Variants in SUMF1 observed in about 807,000 individuals in gnomAD.
SUMF1 encodes the protein sulfatase modifying factor 1.
Under a neutral mutation model 47.6 loss-of-function variants are expected in SUMF1, and 48 were observed. The observed-to-expected ratio is 1.01, with a 90% confidence interval of 0.80 to 1.28. The LOEUF is 1.28. Among genes scored for constraint, SUMF1 ranks in the 50% most tolerant of loss-of-function variants. The pLI is 0.00. For missense variants in SUMF1, 571 were observed against 485.4 expected, an observed-to-expected ratio of 1.18 and a Z score of -1.66; for synonymous variants, 230 against 192.1, an observed-to-expected ratio of 1.20 and a Z score of -1.63.
intron 8 of SUMF1, among the ~76,000 whole-genome samples, chr3:4,217,955 T>A (rs374649455): frequency 6.6e-6 from 1 of 152,058 alleles, no homozygotes; most frequent in South Asian, 2.1e-4. Context: ...AATCTCACCT[T>A]GAAATCCTGT....
At chr3:4,392,578 T>C (rs1323148103) in intron 7 of SUMF1, among the ~76,000 whole-genome samples, 1 of 148,134 alleles carries the variant, frequency 6.8e-6, no homozygotes, top group African/African-American at 2.5e-5. Context: ...TAAATGTTTA[T>C]ATGTTCAGAT....
At chr3:4,365,206 G>T (rs1161208198) in intron 8 of SUMF1, among the ~76,000 whole-genome samples, 1 of 122,752 alleles carries the variant, frequency 8.1e-6, no homozygotes, top group Admixed American at 7.9e-5. Flanking sequence ...ATTTGGGGTG[G>T]AGAGTTCTGT....
intron 1 of SUMF1, among the ~76,000 whole-genome samples, chr3:4,455,171 T>C (rs1703113354): frequency 6.6e-6 from 1 of 152,234 alleles, no homozygotes; most frequent in South Asian, 2.1e-4. Flanking sequence ...TTTCAAATCA[T>C]TTGAGTGAGC....
chr3:4,321,125 G>C (rs1239352497), intron 8 of SUMF1, among the ~76,000 whole-genome samples: 2 of 152,136 alleles, frequency 1.3e-5, no homozygotes, highest in African/African-American at 4.8e-5. Flanking sequence ...AGCAAAGGAA[G>C]GATGATCCAT....
chr3:4,254,241 C>G (rs932828100), intron 8 of SUMF1, among the ~76,000 whole-genome samples: 29 of 152,082 alleles, frequency 1.9e-4, no homozygotes, highest in African/African-American at 5.3e-4. Flanking sequence ...TCCTCAACAG[C>G]AACGGAACAA....
At chr3:4,199,191 T>G (rs758839733) in intron 8 of SUMF1, among the ~76,000 whole-genome samples, 11 of 152,136 alleles carry the variant, frequency 7.2e-5, no homozygotes, top group Non-Finnish European at 1.5e-4. Flanking sequence ...AACCTGATCT[T>G]CTGTCTCTAT....
intron 8 of SUMF1, among the ~76,000 whole-genome samples, chr3:4,191,394 C>A (rs1424455344): frequency 6.6e-6 from 1 of 152,000 alleles, no homozygotes; most frequent in African/African-American, 2.4e-5. Context: ...AAGCCTGGTA[C>A]CAAATGAAGA....
At chr3:4,321,470 T>TAAAAAAAAAAAAAAAAA (rs1206478992) in intron 8 of SUMF1, among the ~76,000 whole-genome samples, 2 of 63,742 alleles carry the variant, frequency 3.1e-5, no homozygotes, top group Non-Finnish European at 3.1e-5. Context: ...AAGGAAATGC[T>TAAAAAAAAAAAAAAAAA]AAAAAAAAAA....
chr3:4,458,369 C>T (rs1385560380), intron 1 of SUMF1, among the ~76,000 whole-genome samples: 2 of 152,158 alleles, frequency 1.3e-5, no homozygotes, highest in Non-Finnish European at 2.9e-5. Context: ...CCAGCTATCC[C>T]ACTTCTGGGT....
At chr3:4,077,102 T>C (rs1692455905) in intron 8 of SUMF1, among the ~76,000 whole-genome samples, 1 of 152,108 alleles carries the variant, frequency 6.6e-6, no homozygotes, top group African/African-American at 2.4e-5. Context: ...AAAACCACAC[T>C]GAGATACCAT....
intron 8 of SUMF1, among the ~76,000 whole-genome samples, chr3:4,207,482 T>C (rs1695678519): frequency 6.6e-6 from 1 of 152,140 alleles, no homozygotes; most frequent in Non-Finnish European, 1.5e-5. Context: ...TGAAGAAATG[T>C]TTATTTCTAG....
intron 8 of SUMF1, among the ~76,000 whole-genome samples, chr3:4,089,473 A>T (rs1692739078): frequency 6.6e-6 from 1 of 152,056 alleles, no homozygotes; most frequent in African/African-American, 2.4e-5. Context: ...AAATACAAAC[A>T]TTGTTTTCAG....
intron 8 of SUMF1, among the ~76,000 whole-genome samples, chr3:4,112,270 A>C (rs991255627): frequency 6.6e-6 from 1 of 152,084 alleles, no homozygotes; most frequent in Non-Finnish European, 1.5e-5. Context: ...ATGGAACAAA[A>C]CATTTCTAAG....
intron 8 of SUMF1, among the ~76,000 whole-genome samples, chr3:4,254,945 G>A (rs1315954242): frequency 6.6e-6 from 1 of 152,070 alleles, no homozygotes; most frequent in African/African-American, 2.4e-5. Flanking sequence ...CCAGAAGAGA[G>A]GGGGGGCCAG....
chr3:4,382,879 A>T (rs1480809566), intron 7 of SUMF1, among the ~76,000 whole-genome samples: 1 of 152,084 alleles, frequency 6.6e-6, no homozygotes, highest in African/African-American at 2.4e-5. Flanking sequence ...ATGAGAACAC[A>T]TGGACACAGG....
chr3:4,304,849 C>T (rs1379821974), intron 8 of SUMF1, among the ~76,000 whole-genome samples: 1 of 151,968 alleles, frequency 6.6e-6, no homozygotes, highest in Non-Finnish European at 1.5e-5. Flanking sequence ...ATGCTGAGAA[C>T]ATGTGTCCCA....
intron 9 of SUMF1, among the ~76,000 whole-genome samples, chr3:4,034,486 C>A (rs1048797727): frequency 6.6e-6 from 1 of 152,170 alleles, no homozygotes; most frequent in Non-Finnish European, 1.5e-5. Context: ...CAGGCAACCA[C>A]TGCCTCAAAA....
At chr3:4,194,755 T>C (rs1217562913) in intron 8 of SUMF1, among the ~76,000 whole-genome samples, 1 of 152,182 alleles carries the variant, frequency 6.6e-6, no homozygotes, top group African/African-American at 2.4e-5. Context: ...AAATATACTG[T>C]AATAATTTCA....
At chr3:4,143,453 A>G (rs911506338) in intron 8 of SUMF1, among the ~76,000 whole-genome samples, 6 of 152,146 alleles carry the variant, frequency 3.9e-5, no homozygotes, top group Non-Finnish European at 4.4e-5. Context: ...TAGGATTTCA[A>G]GCAAGAACAG....
Sources: gnomAD v4.1 joint callset for allele counts (sites outside exome capture counted in the v4.1 genomes callset) on GRCh38, gnomAD v4.1.1 for gene constraint, MANE v1.5 for transcripts, NCBI Gene and HGNC (gene_info 2026-07-23, HGNC 2026-07-21) for gene names.